The following ELMO1 variants were observed in gnomAD, a reference collection of about 807,000 sequenced individuals.
The protein encoded by ELMO1 is engulfment and cell motility protein 1.
ELMO1 carries 26 observed loss-of-function variants against 98.9 expected under a neutral mutation model. That is an observed-to-expected ratio of 0.26 (90% CI 0.19 to 0.36). The LOEUF (loss-of-function observed/expected upper bound fraction) is 0.36, where lower values mean the gene tolerates loss of function less well. Ranked by LOEUF, ELMO1 falls within the 10% of genes least tolerant of loss-of-function variation. The pLI is 1.00. For missense variants in ELMO1, 627 were observed against 935.2 expected (o/e 0.67, Z 4.30); for synonymous variants, 346 against 346.0 (o/e 1.00, Z 0.00).
In ELMO1 at chr7:37,205,586, T is replaced by C. The variant is rs142043527; in HGVS notation, c.1086+5800A>G. ...GGGCCATTTGAAACTGAAATTACCATCAGAAAGCAGGAAGCACAAAAATGA... is the reference window on the plus strand; with the variant it reads ...GGGCCATTTGAAACTGAAATTACCACCAGAAAGCAGGAAGCACAAAAATGA... On this transcript the variant is annotated intron_variant, in intron 13 of 21. Coordinates refer to ENST00000310758, the MANE Select transcript of ELMO1 (RefSeq NM_014800.11). Among the ~76,000 whole-genome samples the C allele has an allele frequency of 7.9e-5, 12 of 152,088 alleles. No homozygotes were observed. The East Asian group carries it at 2.3e-3, about 29-fold the overall frequency.
At chr7:37,416,562 T>C (rs990315701) in intron 1 of ELMO1, among the ~76,000 whole-genome samples, 10 of 152,172 alleles carry the variant, frequency 6.6e-5, no homozygotes, top group African/African-American at 2.4e-4. Flanking sequence ...TAATGCATAA[T>C]CTCCATTTCT....
rs138456742 is a variant in ELMO1, at chr7:37,067,059, G to C, written c.1300+29560C>G. Among the ~76,000 whole-genome samples the C allele has an allele frequency of 5.5e-3, 836 of 152,234 alleles. 8 individuals carry two copies. Among genetic ancestry groups the C allele is most frequent in the African/African-American group, 0.019 (810 of 41,544 alleles). On this transcript the variant is annotated intron_variant, in intron 15 of 21. Transcript: ENST00000310758. ...GGGCAGGAAATATTTTTTACAGACTGAATTTATGAGACAAACTTTGTCAGA... is the reference window on the plus strand; with the variant it reads ...GGGCAGGAAATATTTTTTACAGACTCAATTTATGAGACAAACTTTGTCAGA...
chr7:37,370,188 T>A (rs532853752), intron 1 of ELMO1, among the ~76,000 whole-genome samples: 2 of 152,328 alleles, frequency 1.3e-5, no homozygotes, highest in African/African-American at 4.8e-5. Flanking sequence ...TTGTTCACAA[T>A]GCGGCTCTGC....
chr7:37,191,127 T>C (rs954999263), intron 13 of ELMO1, among the ~76,000 whole-genome samples: 5 of 142,686 alleles, frequency 3.5e-5, no homozygotes, highest in African/African-American at 1.0e-4. Context: ...AGGTGGAGCT[T>C]GCAGTGAGCC....
chr7:37,410,187 T>A (rs577365274), intron 1 of ELMO1, among the ~76,000 whole-genome samples: 1 of 152,220 alleles, frequency 6.6e-6, no homozygotes, highest in East Asian at 1.9e-4. Flanking sequence ...GATTATTTTA[T>A]GTAATTGACA....
intron 16 of ELMO1, among the ~76,000 whole-genome samples, chr7:36,927,211 G>C (rs567167084): frequency 6.6e-6 from 1 of 152,220 alleles, no homozygotes; most frequent in African/African-American, 2.4e-5. Context: ...CAAGAACCTA[G>C]ATTATCTGGC....
At chr7:37,099,199 G>A (rs535403067) in intron 14 of ELMO1, among the ~76,000 whole-genome samples, 25 of 152,210 alleles carry the variant, frequency 1.6e-4, no homozygotes, top group African/African-American at 4.8e-4. Flanking sequence ...TAAACCCGCC[G>A]CCTTCTTGAC....
At chr7:37,279,719 C>T (rs1030292536) in intron 4 of ELMO1, among the ~76,000 whole-genome samples, 3 of 152,206 alleles carry the variant, frequency 2.0e-5, no homozygotes, top group Non-Finnish European at 4.4e-5. Flanking sequence ...TACCACCTGG[C>T]ACCACAGGGA....
At chr7:37,160,901 G>C (rs940791468) in intron 13 of ELMO1, among the ~76,000 whole-genome samples, 3 of 152,318 alleles carry the variant, frequency 2.0e-5, no homozygotes, top group South Asian at 2.1e-4. Flanking sequence ...TGGCAGCACA[G>C]AGGTGGAGAG....
rs577183795 is a variant in ELMO1 at position 37,303,447 on chromosome 7, G to A, written c.192+11403C>T. 5.9e-5 allele frequency among the ~76,000 whole-genome samples: 9 copies of A among 152,210 alleles called. No homozygotes were observed. The South Asian group carries it at 1.7e-3, about 28-fold the overall frequency. ...CTTTGCCCAACATAATCTGATTGCT[G>A]TTCAACAATAAATCTCATTTTAGAA... On this transcript the variant is annotated intron_variant, in intron 4 of 21. Transcript: ENST00000310758.
intron 1 of ELMO1, among the ~76,000 whole-genome samples, chr7:37,447,937 G>C (rs1333201803): frequency 6.6e-6 from 1 of 151,378 alleles, no homozygotes; most frequent in Non-Finnish European, 1.5e-5. Flanking sequence ...AGGCGCGCCC[G>C]GTGCGTCCCC....
chr7:36,899,682 A>ATTTTTTTTTTTTTT (rs1178774148), intron 16 of ELMO1, among the ~76,000 whole-genome samples: 4 of 5,396 alleles, frequency 7.4e-4, no homozygotes, highest in Admixed American at 2.0e-3. Flanking sequence ...ATCTTTACTC[A>ATTTTTTTTTTTTTT]TCTTTTTTTT....
chr7:37,344,865 T>C (rs1464765943), intron 1 of ELMO1, among the ~76,000 whole-genome samples: 1 of 152,232 alleles, frequency 6.6e-6, no homozygotes, highest in African/African-American at 2.4e-5. Context: ...TGGGTTCTCT[T>C]GTCTTTTTTG....
intron 16 of ELMO1, among the ~76,000 whole-genome samples, chr7:36,952,188 G>A (rs564562648): frequency 2.0e-5 from 3 of 152,312 alleles, no homozygotes; most frequent in Non-Finnish European, 2.9e-5. Context: ...GGCTCAGTGT[G>A]GAACATGCAT....
At chr7:37,012,310 C>T (rs753373570) in intron 16 of ELMO1, among the ~76,000 whole-genome samples, 1 of 152,160 alleles carries the variant, frequency 6.6e-6, no homozygotes, top group Non-Finnish European at 1.5e-5. Context: ...GAGAAGGTGA[C>T]AGGGAGGCAA....
chr7:37,109,340 C>T (rs752512075), intron 14 of ELMO1, among the ~76,000 whole-genome samples: 5 of 152,166 alleles, frequency 3.3e-5, no homozygotes, highest in Non-Finnish European at 5.9e-5. Context: ...AAATGTCCTT[C>T]GTTGTGTGTT....
rs1329010889 is a variant in ELMO1, at chr7:37,342,686, G to A, written c.5C>T (p.Pro2Leu). 5 of 1,609,268 alleles carry A rather than the reference G, an allele frequency of 3.1e-6. No homozygotes were observed. The highest frequency in any genetic ancestry group is 3.4e-5 in the Admixed American group (2 of 58,556). The change falls in exon 2 of 22, where the codon CCG becomes CTG. Residue 2 changes from proline to leucine, a missense_variant. Physicochemically the swap from Pro to Leu is moderately conservative, Grantham distance 98. This residue lies in a region of ELMO1 where 123 missense variants were observed against 171.2 expected (regional missense o/e 0.72). Coordinates refer to ENST00000310758, the MANE Select transcript of ELMO1 (RefSeq NM_014800.11). The surrounding 1 kb of genome is among the most constrained non-coding windows in gnomAD (Gnocchi z 4.3). ...CACCTTGACGATGTCCGCGGGTGGC[G>A]GCATTGTAAGTCCCCAAAATGTTCA... is the stretch of plus-strand genomic sequence containing the variant. M[P>L]PPADIVKVAI...
At chr7:37,398,231 A>G (rs1156722580) in intron 1 of ELMO1, among the ~76,000 whole-genome samples, 1 of 152,228 alleles carries the variant, frequency 6.6e-6, no homozygotes, top group Non-Finnish European at 1.5e-5. Flanking sequence ...GAGAATTAAA[A>G]GAGCTCACAG....
intron 15 of ELMO1, among the ~76,000 whole-genome samples, chr7:37,048,952 G>A (rs948284534): frequency 6.6e-6 from 1 of 152,176 alleles, no homozygotes; most frequent in Non-Finnish European, 1.5e-5. Flanking sequence ...TGGAAATGGC[G>A]ATTCCCAATG....
Sources: gnomAD v4.1 joint callset for allele counts (sites outside exome capture counted in the v4.1 genomes callset) on GRCh38, gnomAD v4.1.1 for gene constraint, gnomAD v4.1.1 regional missense constraint, Gnocchi (gnomAD v3.1) non-coding constraint, MANE v1.5 for transcripts, NCBI Gene and HGNC (gene_info 2026-07-23, HGNC 2026-07-21) for gene names.